Variants in ECM2 observed in about 807,000 individuals in gnomAD.
ECM2 encodes extracellular matrix protein 2.
Under a neutral mutation model 67.5 loss-of-function variants are expected in ECM2, and 57 were observed. The observed-to-expected ratio is 0.84, with a 90% CI of 0.68 to 1.05. The LOEUF (loss-of-function observed/expected upper bound fraction) is 1.05, where lower values mean the gene tolerates loss of function less well. ECM2 is among the 50% of genes least tolerant of loss of function. The pLI is 0.00. For missense variants in ECM2, 741 were observed against 822.8 expected, an observed-to-expected ratio of 0.90 and a Z score of 1.22; for synonymous variants, 258 against 294.5, an observed-to-expected ratio of 0.88 and a Z score of 1.27.
At chr9:92,532,013 A>ATGTTTTTTT (rs1848795125) in intron 1 of ECM2, among the ~76,000 whole-genome samples, 2 of 68,914 alleles carry the variant, frequency 2.9e-5, no homozygotes, top group Non-Finnish European at 5.5e-5. Context: ...TTTTTATTTA[A>ATGTTTTTTT]TGTTTTTTTT....
chr9:92,554,893 C>G, the ECM2 span, among the ~76,000 whole-genome samples: 10 of 152,148 alleles, frequency 6.6e-5, no homozygotes, highest in African/African-American at 2.2e-4. Context: ...GCCTCGGCCT[C>G]CCAAAGTGCT....
chr9:92,523,159 C>T (rs965735815), intron 1 of ECM2, among the ~76,000 whole-genome samples: 2 of 152,034 alleles, frequency 1.3e-5, no homozygotes, highest in Non-Finnish European at 2.9e-5. Context: ...TGACTCACTG[C>T]AGCCTTGAAC....
At chr9:92,495,255 G>A, downstream of ECM2, 1 of 738,556 alleles carries the variant, frequency 1.4e-6, no homozygotes, top group Non-Finnish European at 1.7e-6. Context: ...AACAAAAGAA[G>A]TCAACATAGT....
At chr9:92,539,918 C>G (rs528435937), upstream of ECM2, among the ~76,000 whole-genome samples, 1 of 152,022 alleles carries the variant, frequency 6.6e-6, no homozygotes, top group Non-Finnish European at 1.5e-5. Context: ...AGTTTGTGTA[C>G]GCATTTCCAG....
intron 1 of ECM2, among the ~76,000 whole-genome samples, chr9:92,532,815 G>A (rs1848881141): frequency 6.6e-6 from 1 of 151,618 alleles, no homozygotes. Context: ...TGTCTATTTC[G>A]GTTGTCTCTT....
At chr9:92,512,188 A>G in intron 4 of ECM2, 62 bp from the exon 5 acceptor site, 4 of 1,112,968 alleles carry the variant, frequency 3.6e-6, no homozygotes, top group South Asian at 1.3e-5. Context: ...ACACACATGT[A>G]TGGGCATGTG....
rs560883774 is a variant in ECM2, at chr9:92,495,770, A to G, written c.*545T>C. Reference sequence around the variant, plus strand: ...AGTAGTGTTTTAATTTTACACATGTAATTAATGGAAGAAATGAAAGCTACC... The same window carrying G: ...AGTAGTGTTTTAATTTTACACATGTGATTAATGGAAGAAATGAAAGCTACC... On this transcript the variant is annotated 3_prime_UTR_variant, in exon 10 of 10. Coordinates refer to ENST00000344604, the MANE Select transcript of ECM2 (RefSeq NM_001393.4). The G allele has an allele frequency of 2.5e-5, 24 of 944,494 alleles. No individual in the cohort carries two copies. The African/African-American group carries it at 4.3e-4, about 17-fold the overall frequency. The allele number at this position is 944,494 out of a possible 1,614,324, so 58.5% of individuals were successfully genotyped here.
intron 2 of ECM2, among the ~76,000 whole-genome samples, chr9:92,520,350 C>T (rs148111276): frequency 1.3e-5 from 2 of 152,168 alleles, no homozygotes; most frequent in Admixed American, 1.3e-4. Flanking sequence ...TGCAGATAGA[C>T]AACATGCACA....
upstream of ECM2, among the ~76,000 whole-genome samples, chr9:92,537,781 T>C (rs1849222264): frequency 6.6e-6 from 1 of 152,176 alleles, no homozygotes; most frequent in Non-Finnish European, 1.5e-5. Flanking sequence ...TTTCTCAATC[T>C]CAGTAACAGT....
the ECM2 span, among the ~76,000 whole-genome samples, chr9:92,552,614 CAT>C: frequency 1.3e-5 from 2 of 152,046 alleles, no homozygotes; most frequent in African/African-American, 2.4e-5. Context: ...AGCGTTTTTT[CAT>C]ATGTTTGTTG....
the ECM2 span, among the ~76,000 whole-genome samples, chr9:92,551,999 T>TAG: frequency 1.6e-3 from 221 of 141,314 alleles, no homozygotes; most frequent in Non-Finnish European, 2.3e-3. Context: ...ATGTGATATA[T>TAG]ATGTGTATAT....
the ECM2 span, among the ~76,000 whole-genome samples, chr9:92,546,342 A>G: frequency 2.0e-5 from 3 of 152,142 alleles, no homozygotes; most frequent in Admixed American, 6.5e-5. Flanking sequence ...GTCCCCTTCC[A>G]CTGTGTGGAA....
chr9:92,501,097 G>T, intron 8 of ECM2, 44 bp from the exon 9 acceptor site: 1 of 1,572,086 alleles, frequency 6.4e-7, no homozygotes, highest in Non-Finnish European at 8.7e-7. Context: ...CATCAGGATG[G>T]TGATCATCAG....
At chr9:92,501,645 C>G (rs1846683619) in intron 8 of ECM2, among the ~76,000 whole-genome samples, 1 of 152,206 alleles carries the variant, frequency 6.6e-6, no homozygotes, top group Non-Finnish European at 1.5e-5. Flanking sequence ...CCTGAGTCTC[C>G]TAAGGCTTCT....
the ECM2 span, among the ~76,000 whole-genome samples, chr9:92,544,949 T>G: frequency 3.2e-3 from 485 of 152,278 alleles, 11 homozygotes; most frequent in Admixed American, 0.029. Flanking sequence ...TCAAAACTCC[T>G]GACCTCAGGT....
intron 9 of ECM2, among the ~76,000 whole-genome samples, chr9:92,499,459 A>G (rs1420022773): frequency 1.3e-5 from 2 of 152,226 alleles, no homozygotes; most frequent in East Asian, 1.9e-4. Flanking sequence ...TAAGAATTCA[A>G]ACAACATTCA....
chr9:92,514,863 A>G lies in ECM2; in HGVS notation c.822T>C (p.Asp274=), dbSNP rs34355623. The G allele has an allele frequency of 1.4e-3, 2,305 of 1,608,222 alleles. 44 individuals are homozygous for G. The African/African-American group carries it at 0.028, about 20-fold the overall frequency. The change falls in exon 4 of 10, where the codon GAT becomes GAC. Residue 274 remains aspartate (D), a synonymous_variant. Transcript: ENST00000344604. ...CACCCTCCTCACCCTCCTCCTCCTC[A>G]TCCTCCTCCTCCTCCCTTCCTTGGC... The part of the protein sequence containing the change: ...QQRQGREEEE[D]EEEEGEEGEE...
intron 4 of ECM2, among the ~76,000 whole-genome samples, chr9:92,512,671 T>C (rs1209989637): frequency 6.6e-6 from 1 of 152,204 alleles, no homozygotes; most frequent in Non-Finnish European, 1.5e-5. Flanking sequence ...CTACAAAGGT[T>C]CCTGTATGCT....
At chr9:92,541,415 C>T (rs1849316264), upstream of ECM2, among the ~76,000 whole-genome samples, 1 of 85,080 alleles carries the variant, frequency 1.2e-5, no homozygotes, top group Admixed American at 1.1e-4. Flanking sequence ...CCCCCTTCCC[C>T]CTCCCCACCC....
Sources: allele counts gnomAD v4.1 joint callset (sites outside exome capture counted in the v4.1 genomes callset), GRCh38; gene constraint gnomAD v4.1.1; transcripts MANE v1.5; gene names NCBI Gene and HGNC (gene_info 2026-07-23, HGNC 2026-07-21).